The following TMEM217B variants were observed in gnomAD, a reference collection of about 807,000 sequenced individuals.
TMEM217B encodes the protein transmembrane protein 217B.
At chr6:37,215,596 A>G in the TMEM217B span, among the ~76,000 whole-genome samples, 2 of 147,940 alleles carry the variant, frequency 1.4e-5, no homozygotes, top group East Asian at 2.0e-4. Context: ...AAAAAAAAAA[A>G]AAAAAGAAAA....
At chr6:37,246,921 C>A in the TMEM217B span, among the ~76,000 whole-genome samples, 1 of 150,210 alleles carries the variant, frequency 6.7e-6, no homozygotes, top group African/African-American at 2.4e-5. Context: ...AAAAAAAATT[C>A]TCAGAAGATG....
chr6:37,247,622 G>A, the TMEM217B span, among the ~76,000 whole-genome samples: 5 of 151,990 alleles, frequency 3.3e-5, no homozygotes, highest in African/African-American at 7.2e-5. Flanking sequence ...TCCTGACCTC[G>A]TGATTCACCC....
At chr6:37,250,288 G>C in the TMEM217B span, among the ~76,000 whole-genome samples, 10 of 152,152 alleles carry the variant, frequency 6.6e-5, no homozygotes, top group Non-Finnish European at 1.0e-4. Context: ...CCATAGGAAG[G>C]GACCCCTAAG....
chr6:37,254,784 A>G, the TMEM217B span, among the ~76,000 whole-genome samples: 1 of 152,194 alleles, frequency 6.6e-6, no homozygotes, highest in African/African-American at 2.4e-5. Context: ...AGTGGGGTTC[A>G]CGATCTCTAG....
At chr6:37,225,294 G>T in the TMEM217B span, among the ~76,000 whole-genome samples, 1 of 152,120 alleles carries the variant, frequency 6.6e-6, no homozygotes, top group Non-Finnish European at 1.5e-5. Context: ...AGGGATAGGG[G>T]CAGGGGCACA....
chr6:37,218,863 T>C, the TMEM217B span: 1 of 1,614,158 alleles, frequency 6.2e-7, no homozygotes, highest in Non-Finnish European at 8.5e-7. Flanking sequence ...TGAAGTTATT[T>C]ATGATGTTAC....
the TMEM217B span, among the ~76,000 whole-genome samples, chr6:37,221,828 T>C: frequency 6.6e-6 from 1 of 152,182 alleles, no homozygotes; most frequent in African/African-American, 2.4e-5. Flanking sequence ...AAAAGGAGAC[T>C]CGCAGTGGGT....
At chr6:37,215,367 G>A in the TMEM217B span, 3 of 1,475,324 alleles carry the variant, frequency 2.0e-6, no homozygotes, top group African/African-American at 2.8e-5. Context: ...ACGAGGTCAG[G>A]AGTTCAAGAC....
chr6:37,233,558 G>A, the TMEM217B span, among the ~76,000 whole-genome samples: 3 of 152,206 alleles, frequency 2.0e-5, no homozygotes, highest in African/African-American at 7.2e-5. Context: ...CATTCACAAA[G>A]TTGGCGCCCT....
the TMEM217B span, chr6:37,217,954 C>T: frequency 5.1e-6 from 5 of 986,990 alleles, no homozygotes; most frequent in African/African-American, 7.0e-5. Context: ...AACTAAATAC[C>T]CTCAATGAGC....
At chr6:37,236,378 G>T in the TMEM217B span, among the ~76,000 whole-genome samples, 1 of 152,254 alleles carries the variant, frequency 6.6e-6, no homozygotes, top group South Asian at 2.1e-4. Flanking sequence ...TTTCTGAGTG[G>T]GTTATTTTTA....
At chr6:37,248,140 ACT>A in the TMEM217B span, among the ~76,000 whole-genome samples, 2 of 151,782 alleles carry the variant, frequency 1.3e-5, no homozygotes, top group African/African-American at 4.8e-5. Flanking sequence ...ATCATGCTCC[ACT>A]CTGTGTCTTC....
At chr6:37,225,965 G>T in the TMEM217B span, among the ~76,000 whole-genome samples, 1 of 152,196 alleles carries the variant, frequency 6.6e-6, no homozygotes, top group Non-Finnish European at 1.5e-5. Context: ...ACTTGAGAGA[G>T]AAATAAACTC....
the TMEM217B span, chr6:37,218,744 A>G: frequency 5.6e-6 from 9 of 1,614,202 alleles, no homozygotes; most frequent in Non-Finnish European, 7.6e-6. Flanking sequence ...GACAATGTAG[A>G]TGACCAGGCC....
the TMEM217B span, among the ~76,000 whole-genome samples, chr6:37,251,989 G>T: frequency 1.3e-5 from 2 of 152,146 alleles, no homozygotes; most frequent in African/African-American, 4.8e-5. Flanking sequence ...CACCTCCCAG[G>T]TTCAAGCAAT....
At chr6:37,218,258 C>T in the TMEM217B span, 1 of 1,279,328 alleles carries the variant, frequency 7.8e-7, no homozygotes, top group Non-Finnish European at 1.0e-6. Flanking sequence ...CAACCTCCAC[C>T]TCCCAGGTCA....
chr6:37,238,597 C>G, the TMEM217B span, among the ~76,000 whole-genome samples: 766 of 152,274 alleles, frequency 5.0e-3, 4 homozygotes, highest in African/African-American at 0.017. Context: ...AGACTTTTGC[C>G]TTTCCTGGTA....
chr6:37,252,635 A>ATTTTTTTT, the TMEM217B span, among the ~76,000 whole-genome samples: 2 of 60,382 alleles, frequency 3.3e-5, no homozygotes, highest in African/African-American at 5.9e-5. Flanking sequence ...ATATATATAT[A>ATTTTTTTT]TATTTTTTTT....
At chr6:37,218,705 A>G in the TMEM217B span, 1 of 1,614,126 alleles carries the variant, frequency 6.2e-7, no homozygotes. Context: ...TTGTATTACG[A>G]CGTTTGCAGT....
Sources: gnomAD v4.1 joint callset for allele counts (sites outside exome capture counted in the v4.1 genomes callset) on GRCh38, gnomAD v4.1.1 for gene constraint, MANE v1.5 for transcripts, NCBI Gene and HGNC (gene_info 2026-07-23, HGNC 2026-07-21) for gene names.